TP63: variants seen among roughly 807,000 people sequenced by gnomAD.
TP63 encodes the protein tumor protein p63.
TP63 carries 17 observed loss-of-function variants against 82.8 expected under a neutral mutation model. The observed-to-expected ratio is 0.21, with a 90% CI of 0.14 to 0.31. TP63 has a LOEUF of 0.31. Ranked by LOEUF, TP63 falls within the 10% of genes least tolerant of loss-of-function variation. The probability of loss-of-function intolerance (pLI) is 1.00; values close to 1 mark genes in which losing one functional copy is unlikely to be tolerated. For synonymous variants in TP63, 330 were observed against 321.7 expected (o/e 1.03, Z -0.28); for missense variants, 648 against 895.3 (o/e 0.72, Z 3.52).
the TP63 span, among the ~76,000 whole-genome samples, chr3:189,621,425 ATT>A: frequency 6.6e-6 from 1 of 152,092 alleles, no homozygotes; most frequent in African/African-American, 2.4e-5. Context: ...ACCAATAAAT[ATT>A]CTCTGTATAT....
chr3:189,717,028 C>A (rs1719017366), intron 1 of TP63, among the ~76,000 whole-genome samples: 1 of 152,144 alleles, frequency 6.6e-6, no homozygotes, highest in Non-Finnish European at 1.5e-5. Flanking sequence ...GAACTCCCAA[C>A]CTCAGGTGAT....
At chr3:189,786,542 G>C (rs1380845476) in intron 3 of TP63, among the ~76,000 whole-genome samples, 1 of 151,128 alleles carries the variant, frequency 6.6e-6, no homozygotes, top group Non-Finnish European at 1.5e-5. Flanking sequence ...ATAATAAAAA[G>C]TTGGATGTTA....
chr3:189,815,238 A>G (rs1322526516), intron 4 of TP63, among the ~76,000 whole-genome samples: 1 of 151,984 alleles, frequency 6.6e-6, no homozygotes, highest in African/African-American at 2.4e-5. Flanking sequence ...GGAGAACATG[A>G]TATATATCAA....
chr3:189,600,692 C>T, the TP63 span, among the ~76,000 whole-genome samples: 1 of 152,110 alleles, frequency 6.6e-6, no homozygotes, highest in Non-Finnish European at 1.5e-5. Flanking sequence ...TCTAGGTCTA[C>T]TAAAACTCCT....
chr3:189,774,304 A>G (rs1289700286), intron 3 of TP63, among the ~76,000 whole-genome samples: 1 of 152,218 alleles, frequency 6.6e-6, no homozygotes, highest in East Asian at 1.9e-4. Context: ...TTAGCTTCAT[A>G]TTTATAGTTT....
chr3:189,754,229 T>G (rs912215066), intron 3 of TP63, among the ~76,000 whole-genome samples: 1 of 152,146 alleles, frequency 6.6e-6, no homozygotes, highest in Non-Finnish European at 1.5e-5. Flanking sequence ...GTTTGCTAAA[T>G]TTTGAATTGA....
intron 3 of TP63, among the ~76,000 whole-genome samples, chr3:189,741,832 T>C (rs1353645148): frequency 6.6e-6 from 1 of 152,202 alleles, no homozygotes; most frequent in African/African-American, 2.4e-5. Context: ...TGTTTTAGTA[T>C]CAATGAAAAA....
chr3:189,853,371 TG>T (rs1458650967), intron 4 of TP63, among the ~76,000 whole-genome samples: 5 of 152,352 alleles, frequency 3.3e-5, no homozygotes, highest in African/African-American at 1.2e-4. Flanking sequence ...CTATTATCTC[TG>T]ATCTTGGATC....
At chr3:189,739,155 AC>A (rs538867868) in intron 3 of TP63, among the ~76,000 whole-genome samples, 129 of 152,252 alleles carry the variant, frequency 8.5e-4, no homozygotes, top group Non-Finnish European at 1.1e-3. Context: ...TTACTCTGTC[AC>A]CCAGGCTGGA....
intron 4 of TP63, chr3:189,844,194 C>T: frequency 2.8e-6 from 1 of 357,810 alleles, no homozygotes; most frequent in Non-Finnish European, 5.5e-6. Context: ...TTCTTTGAGA[C>T]AGAGTCTCGC....
chr3:189,620,643 G>C, the TP63 span, among the ~76,000 whole-genome samples: 40 of 152,256 alleles, frequency 2.6e-4, no homozygotes, highest in African/African-American at 8.9e-4. Flanking sequence ...GCATTCTTGA[G>C]TCAAAAATCA....
intron 1 of TP63, among the ~76,000 whole-genome samples, chr3:189,721,575 A>G (rs923367865): frequency 1.3e-5 from 2 of 152,124 alleles, no homozygotes; most frequent in African/African-American, 4.8e-5. Context: ...GGGCGGCAGG[A>G]AAGTATAATG....
the TP63 span, among the ~76,000 whole-genome samples, chr3:189,619,674 C>A: frequency 6.6e-6 from 1 of 152,188 alleles, no homozygotes; most frequent in Admixed American, 6.5e-5. Flanking sequence ...GCTCTGCTAT[C>A]CTTGTAGGTG....
intron 1 of TP63, among the ~76,000 whole-genome samples, chr3:189,723,423 A>G (rs903572757): frequency 9.9e-5 from 15 of 152,238 alleles, no homozygotes; most frequent in Non-Finnish European, 1.0e-4. Flanking sequence ...AAATTAAACA[A>G]TGCCTGTCAG....
At chr3:189,758,365 C>T (rs938501572) in intron 3 of TP63, among the ~76,000 whole-genome samples, 4 of 152,152 alleles carry the variant, frequency 2.6e-5, no homozygotes, top group Non-Finnish European at 5.9e-5. Flanking sequence ...GGAATGGGGC[C>T]GGGGGCCCCT....
intron 1 of TP63, among the ~76,000 whole-genome samples, chr3:189,635,209 T>C (rs1193574036): frequency 6.6e-6 from 1 of 152,088 alleles, no homozygotes; most frequent in African/African-American, 2.4e-5. Flanking sequence ...TAATATGAAG[T>C]GTGTTTTTTG....
At chr3:189,850,782 T>A (rs1715526607) in intron 4 of TP63, among the ~76,000 whole-genome samples, 1 of 152,154 alleles carries the variant, frequency 6.6e-6, no homozygotes, top group Admixed American at 6.5e-5. Context: ...TACATATATT[T>A]ATGGATGTGT....
At chr3:189,816,674 A>G (rs936192067) in intron 4 of TP63, among the ~76,000 whole-genome samples, 3 of 152,312 alleles carry the variant, frequency 2.0e-5, no homozygotes, top group Admixed American at 2.0e-4. Flanking sequence ...AGTTTATTGT[A>G]GAATAGAAAG....
rs1720793281 is a variant in TP63, at chr3:189,739,002, T to C, written c.324+228T>C. ...TTTCCATCCGTGTGGGGAGGGAGAT[T>C]CTTTACATCTTTTATCTTGATTGTT... On this transcript the variant is annotated intron_variant, in intron 3 of 13. Transcript: ENST00000264731. The C allele has an allele frequency of 1.4e-5, 8 of 590,712 alleles. No homozygotes were observed. The South Asian group carries it at 1.6e-4, about 12-fold the overall frequency. 36.6% of individuals were successfully genotyped at this position (590,712 alleles called of 1,614,324 possible).
Sources: gnomAD v4.1 joint callset for allele counts (sites outside exome capture counted in the v4.1 genomes callset) on GRCh38, gnomAD v4.1.1 for gene constraint, MANE v1.5 for transcripts, NCBI Gene and HGNC (gene_info 2026-07-23, HGNC 2026-07-21) for gene names.